Variants in PCSK1 observed in about 807,000 individuals in gnomAD.
PCSK1 encodes neuroendocrine convertase 1.
A neutral mutation model predicts 90.6 loss-of-function variants in PCSK1; 56 were observed. The observed-to-expected ratio is 0.62, with a 90% CI of 0.50 to 0.77. PCSK1 has a LOEUF of 0.77. Among genes scored for constraint, PCSK1 ranks in the 30% least tolerant of loss-of-function variants. The probability of loss-of-function intolerance (pLI) is 0.00; values close to 1 mark genes in which losing one functional copy is unlikely to be tolerated. For missense variants in PCSK1, 801 were observed against 932.6 expected, an observed-to-expected ratio of 0.86 and a Z score of 1.84; for synonymous variants, 348 against 342.4, an observed-to-expected ratio of 1.02 and a Z score of -0.18.
rs1759945625 is a variant in PCSK1, at chr5:96,391,605, GT to G, written c.*1395del. 6.6e-6 allele frequency: 1 copy of G among 152,232 alleles called. No individual in the cohort carries two copies. Among genetic ancestry groups the G allele is most frequent in the South Asian group, 2.1e-4 (1 of 4,828 alleles). The allele number at this position is 152,232 out of a possible 1,614,324, so 9.4% of individuals were successfully genotyped here. On this transcript the variant is annotated 3_prime_UTR_variant, in exon 14 of 14. Transcript: ENST00000311106. ...TTTACACTTTGTACACATTCGCTTAGTGTAGGAGTGGGCAAAATCAAATGCC... is the reference window on the plus strand; with the variant it reads ...TTTACACTTTGTACACATTCGCTTAGGTAGGAGTGGGCAAAATCAAATGCC...
intron 6 of PCSK1, 75 bp from the exon 7 acceptor site, chr5:96,412,565 C>T: frequency 1.5e-6 from 2 of 1,325,378 alleles, no homozygotes; most frequent in Non-Finnish European, 1.1e-6. Context: ...AATACTCTTA[C>T]TATTTGTATT....
At chr5:96,411,040 T>C in intron 7 of PCSK1, 54 bp from the exon 8 acceptor site, 1 of 1,247,032 alleles carries the variant, frequency 8.0e-7, no homozygotes, top group Non-Finnish European at 1.2e-6. Flanking sequence ...GGGGTCATTG[T>C]TATATCCCAA....
At chr5:96,397,535 T>A in intron 11 of PCSK1, 66 bp from the exon 12 acceptor site, 2 of 1,417,734 alleles carry the variant, frequency 1.4e-6, no homozygotes, top group Admixed American at 3.4e-5. Flanking sequence ...CTCTAGCATC[T>A]GATAACTGAA....
intron 1 of PCSK1, among the ~76,000 whole-genome samples, chr5:96,431,312 G>T (rs569837976): frequency 2.6e-5 from 4 of 152,220 alleles, no homozygotes; most frequent in African/African-American, 9.6e-5. Context: ...CTCATTATGT[G>T]CTCCTGGCAA....
At chr5:96,409,469 G>T (rs543127333) in intron 8 of PCSK1, among the ~76,000 whole-genome samples, 12 of 152,164 alleles carry the variant, frequency 7.9e-5, no homozygotes, top group Non-Finnish European at 1.6e-4. Context: ...GTAAGAAAAA[G>T]GTTATGTTAC....
rs1759908263 is a variant in PCSK1 at position 96,390,610 on chromosome 5, T to C, written c.*2391A>G. The C allele has an allele frequency of 1.3e-5, 2 of 152,670 alleles. No individual in the cohort carries two copies. The highest frequency in any genetic ancestry group is 4.8e-5 in the African/African-American group (2 of 41,464). The allele number at this position is 152,670 out of a possible 1,614,324, so 9.5% of individuals were successfully genotyped here. ...AATATTTTATTGGGTGAAACTTTCT[T>C]ATTCTCAGGAAAACTTTTGGTTCTT... On this transcript the variant is annotated 3_prime_UTR_variant, in exon 14 of 14. Transcript: ENST00000311106.
At chr5:96,406,136 G>T (rs1276501343) in intron 9 of PCSK1, among the ~76,000 whole-genome samples, 1 of 152,052 alleles carries the variant, frequency 6.6e-6, no homozygotes, top group Non-Finnish European at 1.5e-5. Context: ...AGAATCTTAG[G>T]AAGAGAAGAA....
chr5:96,398,877 A>G lies in PCSK1; in HGVS notation c.1588+2T>C, dbSNP rs370385223. The G allele has an allele frequency of 1.9e-6, 3 of 1,611,988 alleles. No homozygotes were observed. In the African/African-American group the frequency reaches 4.0e-5, roughly 22 times the overall value. ...AAATGGCTTAGAACTTTTTTAATTTACCAGCAGCAGAAGTAAGTGTGACAT... is the reference window on the plus strand; with the variant it reads ...AAATGGCTTAGAACTTTTTTAATTTGCCAGCAGCAGAAGTAAGTGTGACAT... On this transcript the variant is annotated splice_donor_variant, in intron 11 of 13. Transcript: ENST00000311106. LOFTEE classifies it high-confidence loss of function.
intron 9 of PCSK1, among the ~76,000 whole-genome samples, chr5:96,404,880 T>C (rs770567559): frequency 6.6e-6 from 1 of 152,058 alleles, no homozygotes; most frequent in Non-Finnish European, 1.5e-5. Context: ...TAATATTGTA[T>C]ATAAAGAGGC....
intron 5 of PCSK1, among the ~76,000 whole-genome samples, chr5:96,420,879 G>C (rs566597172): frequency 4.6e-5 from 7 of 152,082 alleles, no homozygotes; most frequent in Non-Finnish European, 1.0e-4. Flanking sequence ...AGAGAATAAA[G>C]AAGCGCTTCA....
Position 96,397,617 on chromosome 5 carries a change from A to C in PCSK1, c.1589-148T>G, listed in dbSNP as rs1760204157. The C allele has an allele frequency of 4.3e-6, 3 of 693,756 alleles. No homozygotes were observed. In the Admixed American group the frequency reaches 7.0e-5, roughly 16 times the overall value. 43.0% of individuals were successfully genotyped at this position (693,756 alleles called of 1,614,324 possible). On this transcript the variant is annotated intron_variant, in intron 11 of 13. Transcript: ENST00000311106. ...TAAGACCAGGATAGAGACACTCACAAGGAAAAAATATGATGTTTTTATCTA... is the reference window on the plus strand; with the variant it reads ...TAAGACCAGGATAGAGACACTCACACGGAAAAAATATGATGTTTTTATCTA...
At chr5:96,426,754 A>G (rs904836821) in intron 2 of PCSK1, among the ~76,000 whole-genome samples, 1 of 152,134 alleles carries the variant, frequency 6.6e-6, no homozygotes, top group Non-Finnish European at 1.5e-5. Context: ...CATGATGACA[A>G]TTCAGTGTGT....
At chr5:96,426,069 AC>A in intron 2 of PCSK1, 139 bp from the exon 3 acceptor site, 1 of 683,716 alleles carries the variant, frequency 1.5e-6, no homozygotes, top group Non-Finnish European at 2.7e-6. Flanking sequence ...TTAAACTGGC[AC>A]CTCAGTGAGA....
intron 6 of PCSK1, 116 bp downstream of exon 6, chr5:96,415,916 AT>A (rs1446578962): frequency 1.4e-6 from 1 of 728,210 alleles, no homozygotes; most frequent in Non-Finnish European, 2.5e-6. Context: ...CAACTTTGGC[AT>A]GGAACTAATT....
intron 8 of PCSK1, among the ~76,000 whole-genome samples, chr5:96,409,257 C>T (rs1760674484): frequency 6.6e-6 from 1 of 152,114 alleles, no homozygotes; most frequent in South Asian, 2.1e-4. Context: ...GAAGTTCTAG[C>T]TCGAGATTTC....
chr5:96,398,897 T>C lies in PCSK1; in HGVS notation c.1570A>G (p.Thr524Ala). 6.2e-7 allele frequency: 1 copy of C among 1,613,652 alleles called. No individual in the cohort carries two copies. Among genetic ancestry groups the C allele is most frequent in the Non-Finnish European group, 8.5e-7 (1 of 1,179,580 alleles). ...AATTTACCAGCAGCAGAAGTAAGTG[T>C]GACATGAAGGTCTCCTCTTCGGGAA... ...EYSRRGDLHVTLTSAAGTSTV... is the reference protein window; with the variant it reads ...EYSRRGDLHVALTSAAGTSTV... Residue 524 changes from threonine to alanine, a missense_variant, in exon 11 of 14, where the codon ACA (threonine) becomes GCA (alanine). Thr to Ala is a moderately conservative substitution (Grantham distance 58). Transcript: ENST00000311106.
intron 6 of PCSK1, among the ~76,000 whole-genome samples, chr5:96,412,752 G>GTTTTTTTTTTTTTGTTTTTTTTTTTTTT (rs1554058734): frequency 7.0e-5 from 5 of 71,832 alleles, no homozygotes; most frequent in African/African-American, 4.5e-4. Context: ...CAGCTGTGAT[G>GTTTTTTTTTTTTTGTTTTTTTTTTTTTT]TTTTTTTTTT....
Position 96,412,436 on chromosome 5 carries a change from C to T in PCSK1, c.764G>A (p.Gly255Glu). The T allele has an allele frequency of 1.2e-6, 2 of 1,614,014 alleles. No homozygotes were observed. The highest frequency in any genetic ancestry group is 1.7e-6 in the Non-Finnish European group (2 of 1,179,902). Reference sequence around the variant, plus strand: ...AATATCCACGTGTCCAGGATTGAATCCAATTGAACTGGCCTCAATAGCATC... The same window carrying T: ...AATATCCACGTGTCCAGGATTGAATTCAATTGAACTGGCCTCAATAGCATC... ...VTDAIEASSI[G>E]FNPGHVDIYS... The change falls in exon 7 of 14, where the codon GGA becomes GAA. Residue 255 changes from glycine to glutamate, a missense_variant. Transcript: ENST00000311106.
intron 2 of PCSK1, 56 bp from the exon 3 acceptor site, chr5:96,425,986 T>A: frequency 1.1e-6 from 1 of 921,906 alleles, no homozygotes; most frequent in Non-Finnish European, 1.8e-6. Context: ...CTCTGTATAC[T>A]TCCTCTAACT....
Sources: gnomAD v4.1 joint callset for allele counts (sites outside exome capture counted in the v4.1 genomes callset) on GRCh38, gnomAD v4.1.1 for gene constraint, MANE v1.5 for transcripts, NCBI Gene and HGNC (gene_info 2026-07-23, HGNC 2026-07-21) for gene names.